The following FSTL4 variants were observed in gnomAD, a reference collection of about 807,000 sequenced individuals.
The protein encoded by FSTL4 is follistatin like 4.
FSTL4 carries 28 observed loss-of-function variants against 78.2 expected under a neutral mutation model. The ratio of observed to expected loss-of-function variants is 0.36; its 90% CI spans 0.27 to 0.49. The LOEUF (loss-of-function observed/expected upper bound fraction) is 0.49, where lower values mean the gene tolerates loss of function less well. Among genes scored for constraint, FSTL4 ranks in the 20% least tolerant of loss-of-function variants. The pLI, the probability that FSTL4 is intolerant of heterozygous loss-of-function variation, is 0.98. For synonymous variants in FSTL4, 422 were observed against 440.5 expected (o/e 0.96, Z 0.53); for missense variants, 922 against 1,084.9 (o/e 0.85, Z 2.11).
chr5:133,665,681 G>A, the FSTL4 span, among the ~76,000 whole-genome samples: 1 of 152,200 alleles, frequency 6.6e-6, no homozygotes, highest in Admixed American at 6.5e-5. Context: ...GCACATCCCA[G>A]AAAGCCTATT....
At chr5:133,809,750 G>A in the FSTL4 span, among the ~76,000 whole-genome samples, 18 of 152,168 alleles carry the variant, frequency 1.2e-4, no homozygotes, top group African/African-American at 3.1e-4. Flanking sequence ...AATGCCATGC[G>A]TCCCACAGCT....
the FSTL4 span, among the ~76,000 whole-genome samples, chr5:133,640,708 G>C: frequency 6.6e-6 from 1 of 152,108 alleles, no homozygotes; most frequent in Non-Finnish European, 1.5e-5. Context: ...GATAACAGAT[G>C]ATGAGTTCAA....
chr5:133,786,822 G>A, the FSTL4 span, among the ~76,000 whole-genome samples: 1 of 152,254 alleles, frequency 6.6e-6, no homozygotes, highest in African/African-American at 2.4e-5. Flanking sequence ...TATCCAGACT[G>A]TTAAGTGTCA....
intron 3 of FSTL4, among the ~76,000 whole-genome samples, chr5:133,507,682 C>T (rs1012967093): frequency 1.3e-5 from 2 of 151,800 alleles, no homozygotes; most frequent in African/African-American, 4.8e-5. Context: ...GACACCATGC[C>T]CGGCTAATTT....
chr5:133,243,111 G>A (rs1452337246), intron 7 of FSTL4, among the ~76,000 whole-genome samples: 1 of 152,138 alleles, frequency 6.6e-6, no homozygotes, highest in Non-Finnish European at 1.5e-5. Context: ...GGGGAGAAAA[G>A]TGAACATTTT....
At position 133,199,850 on chromosome 5, in the gene FSTL4, T is replaced by C; in HGVS notation, c.1827-53A>G. On this transcript the variant is annotated intron_variant, in intron 15 of 15. Transcript: ENST00000265342. This position sits in a 1 kb window ranked among gnomAD's most constrained non-coding sequence, Gnocchi z 4.4. ...GTTGCCTCCAGGGGTGGGGAATCTG[T>C]CATTTGTCTTAAACAATTACATCCT... 1.1e-6 allele frequency: 1 copy of C among 895,028 alleles called. No homozygotes were observed. Among genetic ancestry groups the C allele is most frequent in the Admixed American group, 2.5e-5 (1 of 40,184 alleles). The allele number at this position is 895,028 out of a possible 1,614,324, so 55.4% of individuals were successfully genotyped here. A position where few individuals can be genotyped will look rare whatever the true frequency, so the allele number is the denominator to read the frequency against.
At chr5:133,694,386 C>A in the FSTL4 span, among the ~76,000 whole-genome samples, 1 of 152,254 alleles carries the variant, frequency 6.6e-6, no homozygotes, top group Non-Finnish European at 1.5e-5. Context: ...CACAGAAATT[C>A]TTTAGTCTCC....
chr5:133,303,014 C>G (rs952714811), intron 6 of FSTL4, among the ~76,000 whole-genome samples: 1 of 152,220 alleles, frequency 6.6e-6, no homozygotes, highest in Non-Finnish European at 1.5e-5. Context: ...GGAACAAGAG[C>G]CTTGGGCCAT....
At position 133,199,503 on chromosome 5, in the gene FSTL4, G is replaced by C; in HGVS notation, c.2121C>G (p.Asp707Glu). The C allele has an allele frequency of 6.2e-7, 1 of 1,614,230 alleles. No individual in the cohort carries two copies. The highest frequency in any genetic ancestry group is 8.5e-7 in the Non-Finnish European group (1 of 1,180,028). Residue 707 changes from aspartate to glutamate, a missense_variant, in exon 16 of 16, where the codon GAC becomes GAG. Asp to Glu is a conservative substitution (Grantham distance 45). Coordinates refer to ENST00000265342, the MANE Select transcript of FSTL4 (RefSeq NM_015082.2). The surrounding 1 kb of genome is among the most constrained non-coding windows in gnomAD (Gnocchi z 4.4). ...DGRFIVSAAA[D>E]SPWLHVQEIT... ...TCTCCTGCACGTGCAGCCAGGGGCT[G>C]TCAGCTGCAGCACTGACTATGAAGC...
chr5:133,221,905 T>TTTTG (rs1751132200), intron 11 of FSTL4, among the ~76,000 whole-genome samples: 1 of 64,646 alleles, frequency 1.5e-5, no homozygotes, highest in African/African-American at 7.5e-5. Context: ...TTTTTTTTTT[T>TTTTG]TTTTTTTTTT....
chr5:133,354,903 C>T (rs983780725), intron 4 of FSTL4, among the ~76,000 whole-genome samples: 31 of 152,362 alleles, frequency 2.0e-4, no homozygotes, highest in African/African-American at 7.0e-4. Context: ...ATGTCACTGC[C>T]GTGCTGGCCT....
intron 3 of FSTL4, among the ~76,000 whole-genome samples, chr5:133,437,613 C>T (rs988164814): frequency 4.6e-5 from 7 of 151,400 alleles, no homozygotes; most frequent in African/African-American, 1.7e-4. Flanking sequence ...CCTCAACCTC[C>T]CGAGCAGCTG....
chr5:133,657,678 A>T, the FSTL4 span, among the ~76,000 whole-genome samples: 1 of 151,884 alleles, frequency 6.6e-6, no homozygotes, highest in East Asian at 1.9e-4. Flanking sequence ...ATAATTCAAA[A>T]TGTTATACAT....
chr5:133,700,400 A>G, the FSTL4 span, among the ~76,000 whole-genome samples: 1 of 150,422 alleles, frequency 6.6e-6, no homozygotes, highest in African/African-American at 2.5e-5. Context: ...ACACCAAACC[A>G]TCAGACCAAA....
chr5:133,814,938 T>C, the FSTL4 span, among the ~76,000 whole-genome samples: 1 of 152,230 alleles, frequency 6.6e-6, no homozygotes, highest in Non-Finnish European at 1.5e-5. Flanking sequence ...CACATGCATG[T>C]GAGCTACATG....
intron 4 of FSTL4, among the ~76,000 whole-genome samples, chr5:133,354,398 T>C (rs1754898086): frequency 6.6e-6 from 1 of 152,202 alleles, no homozygotes; most frequent in African/African-American, 2.4e-5. Context: ...TGGATGGAGA[T>C]GACTGGGTAG....
At chr5:133,451,398 T>TA (rs535030899) in intron 3 of FSTL4, among the ~76,000 whole-genome samples, 16,799 of 144,740 alleles carry the variant, frequency 0.12, 1,503 homozygotes, top group African/African-American at 0.26. Flanking sequence ...CTGTCTCTAC[T>TA]AAAAAAAAAA....
the FSTL4 span, among the ~76,000 whole-genome samples, chr5:133,797,806 C>T: frequency 3.9e-5 from 6 of 152,264 alleles, no homozygotes; most frequent in East Asian, 3.9e-4. Context: ...CCATCTCATA[C>T]CCTGAGCAGC....
intron 2 of FSTL4, among the ~76,000 whole-genome samples, chr5:133,567,910 C>T (rs1760063123): frequency 6.6e-6 from 1 of 152,106 alleles, no homozygotes; most frequent in African/African-American, 2.4e-5. Flanking sequence ...GATTAGGGGG[C>T]CACAGAACAA....
Sources: gnomAD v4.1 joint callset for allele counts (sites outside exome capture counted in the v4.1 genomes callset) on GRCh38, gnomAD v4.1.1 for gene constraint, Gnocchi (gnomAD v3.1) non-coding constraint, MANE v1.5 for transcripts, NCBI Gene and HGNC (gene_info 2026-07-23, HGNC 2026-07-21) for gene names.